Variants in CDKL5 observed in about 807,000 individuals in gnomAD.
CDKL5 encodes the protein cyclin-dependent kinase-like 5.
In CDKL5, 8 loss-of-function variants were observed where a neutral mutation model predicts 61.7. The observed-to-expected ratio is 0.13, with a 90% CI of 0.08 to 0.23. The LOEUF (loss-of-function observed/expected upper bound fraction) is 0.23, where lower values mean the gene tolerates loss of function less well. Ranked by LOEUF, CDKL5 falls within the 10% of genes least tolerant of loss-of-function variation. The pLI, the probability that CDKL5 is intolerant of heterozygous loss-of-function variation, is 1.00. For synonymous variants in CDKL5, 275 were observed against 272.3 expected (o/e 1.01, Z -0.10); for missense variants, 440 against 734.5 (o/e 0.60, Z 4.63).
chrX:18,609,625 T>C, intron 14 of CDKL5, 55 bp downstream of exon 14: 5 of 1,201,161 alleles, frequency 4.2e-6, no homozygotes, highest in Middle Eastern at 3.2e-4. Context: ...TCTCACTTTA[T>C]GTGCACACTG....
intron 1 of CDKL5, among the ~76,000 whole-genome samples, chrX:18,445,751 A>T (rs1211642458): frequency 2.7e-5 from 3 of 111,341 alleles, no homozygotes; most frequent in Admixed American, 9.6e-5. Context: ...CCCTTCTGCC[A>T]TGATTGTTAA....
downstream of CDKL5, chrX:18,644,421 C>G: frequency 1.5e-5 from 18 of 1,210,441 alleles, no homozygotes; most frequent in Non-Finnish European, 2.0e-5. Flanking sequence ...TGGGATAAGC[C>G]CAACTTACCC....
intron 1 of CDKL5, among the ~76,000 whole-genome samples, chrX:18,427,933 A>G (rs1048349831): frequency 9.0e-5 from 10 of 111,140 alleles, no homozygotes; most frequent in African/African-American, 3.3e-4. Context: ...TGTGGCATCT[A>G]TTGTGTCCCC....
At chrX:18,488,570 C>G (rs1441050245) in intron 1 of CDKL5, among the ~76,000 whole-genome samples, 3 of 111,676 alleles carry the variant, frequency 2.7e-5, no homozygotes, top group Non-Finnish European at 5.6e-5. Flanking sequence ...CCCAGACTTT[C>G]TGGGAGGGGA....
At chrX:18,451,354 G>A (rs932888677) in intron 1 of CDKL5, among the ~76,000 whole-genome samples, 2 of 110,328 alleles carry the variant, frequency 1.8e-5, no homozygotes, top group Non-Finnish European at 3.8e-5. Flanking sequence ...ACCACACACC[G>A]CTAATTTTTG....
intron 3 of CDKL5, among the ~76,000 whole-genome samples, chrX:18,525,894 C>T (rs1333752815): frequency 9.1e-6 from 1 of 109,619 alleles, no homozygotes; most frequent in African/African-American, 3.3e-5. Context: ...TTGCAGGCTC[C>T]CACCACCACG....
At chrX:18,495,451 C>G (rs1234682471) in intron 1 of CDKL5, among the ~76,000 whole-genome samples, 2 of 112,096 alleles carry the variant, frequency 1.8e-5, no homozygotes, top group Non-Finnish European at 3.8e-5. Context: ...TGAGTCAAAT[C>G]CAACCTAAAA....
rs987890868 is a variant in CDKL5, at chrX:18,628,973, C to T, written c.*216C>T. 3.0e-6 allele frequency: 3 copies of T among 1,016,851 alleles called. No homozygotes were observed. Among genetic ancestry groups the T allele is most frequent in the Admixed American group, 4.7e-5 (1 of 21,282 alleles). 83.8% of individuals were successfully genotyped at this position (1,016,851 alleles called of 1,213,427 possible). ...AGAGCCACAGGAGTTCCTTAGGGAT[C>T]GCCACTCCCCACAGGTCTTGTGTGA... On this transcript the variant is annotated 3_prime_UTR_variant, in exon 18 of 18. Transcript: ENST00000623535.
intron 1 of CDKL5, among the ~76,000 whole-genome samples, chrX:18,477,368 A>T (rs1342967427): frequency 1.8e-5 from 2 of 112,653 alleles, no homozygotes; most frequent in Non-Finnish European, 3.8e-5. Context: ...CACCTGGCTG[A>T]ATCTTTTTAA....
At chrX:18,647,696 C>A in intron 20 of CDKL5, 1 of 215,794 alleles carries the variant, frequency 4.6e-6, no homozygotes, top group Non-Finnish European at 8.5e-6. Context: ...TATTTAAATG[C>A]CATACATCTT....
rs771312871 is a variant in CDKL5, at chrX:18,616,624, T to TA, written c.2277-3229dup. On this transcript the variant is annotated intron_variant, in intron 15 of 17. Coordinates refer to ENST00000623535, the MANE Select transcript of CDKL5 (RefSeq NM_001323289.2). ...TGGGCAACAAGAGCGAAACTCCGTC[T>TA]AAAAAAAAAAAAAAGAAAGAAATCC... Among the ~76,000 whole-genome samples the TA allele has an allele frequency of 1.6e-3, 150 of 92,672 alleles. 1 individual carries two copies. The highest frequency in any genetic ancestry group is 3.9e-3 in the South Asian group (8 of 2,073). 80.5% of individuals were successfully genotyped at this position (92,672 alleles called of 115,157 possible).
Position 18,507,048 on chromosome X carries a change from C to T in CDKL5, c.-49C>T. 1.0e-6 allele frequency: 1 copy of T among 968,400 alleles called. No homozygotes were observed. Among genetic ancestry groups the T allele is most frequent in the African/African-American group, 1.9e-5 (1 of 52,970 alleles). The allele number at this position is 968,400 out of a possible 1,213,427, so 79.8% of individuals were successfully genotyped here. A position where few individuals can be genotyped will look rare whatever the true frequency, so the allele number is the denominator to read the frequency against. On this transcript the variant is annotated 5_prime_UTR_variant, in exon 2 of 18. Transcript: ENST00000623535. ...TTACTGCACAGCTTTCTGAGAAGTTCTTTTGGTGCCATGTTTTGTGGCTTG... is the reference window on the plus strand; with the variant it reads ...TTACTGCACAGCTTTCTGAGAAGTTTTTTTGGTGCCATGTTTTGTGGCTTG...
chrX:18,568,803 C>A (rs761855857), intron 4 of CDKL5, among the ~76,000 whole-genome samples: 2 of 110,495 alleles, frequency 1.8e-5, no homozygotes, highest in African/African-American at 6.6e-5. Flanking sequence ...AAGCAGTCTT[C>A]CTGTCTCAGC....
chrX:18,588,621 A>G (rs1251271899), intron 9 of CDKL5: 1 of 130,464 alleles, frequency 7.7e-6, no homozygotes, highest in African/African-American at 3.3e-5. Context: ...AAATTAGTGT[A>G]TTGTCTTGGG....
At chrX:18,540,929 C>T (rs1247770189) in intron 3 of CDKL5, among the ~76,000 whole-genome samples, 2 of 111,321 alleles carry the variant, frequency 1.8e-5, no homozygotes, top group African/African-American at 6.5e-5. Context: ...CCTCGTGATC[C>T]ACCCGCCTCA....
chrX:18,505,873 C>G (rs943860638), intron 1 of CDKL5, among the ~76,000 whole-genome samples: 6 of 112,742 alleles, frequency 5.3e-5, no homozygotes, highest in Admixed American at 2.8e-4. Context: ...AAATTTTCAA[C>G]CACTAGTTTT....
intron 9 of CDKL5, among the ~76,000 whole-genome samples, chrX:18,591,388 G>A (rs1602278088): frequency 9.0e-6 from 1 of 111,485 alleles, no homozygotes; most frequent in East Asian, 2.8e-4. Context: ...TAACCAGTCT[G>A]TGGCATCAGC....
intron 3 of CDKL5, among the ~76,000 whole-genome samples, chrX:18,524,456 G>C (rs991391088): frequency 1.8e-5 from 2 of 112,047 alleles, no homozygotes; most frequent in Non-Finnish European, 3.8e-5. Context: ...AGTTGTTTTT[G>C]TGGAGGGACA....
At chrX:18,614,351 T>TGCC (rs1319430838) in intron 15 of CDKL5, among the ~76,000 whole-genome samples, 2 of 112,787 alleles carry the variant, frequency 1.8e-5, no homozygotes, top group African/African-American at 6.4e-5. Context: ...CCATTGCCTA[T>TGCC]TTATAAAATG....
Sources: allele counts gnomAD v4.1 joint callset (sites outside exome capture counted in the v4.1 genomes callset), GRCh38; gene constraint gnomAD v4.1.1; transcripts MANE v1.5; gene names NCBI Gene and HGNC (gene_info 2026-07-23, HGNC 2026-07-21).